The following PLEKHH2 variants were observed in gnomAD, a reference collection of about 807,000 sequenced individuals.
PLEKHH2 encodes pleckstrin homology, MyTH4 and FERM domain containing H2, also known as pleckstrin homology domain-containing family H member 2.
In PLEKHH2, 129 loss-of-function variants were observed where a neutral mutation model predicts 187.9. The ratio of observed to expected loss-of-function variants is 0.69; its 90% CI spans 0.59 to 0.79. PLEKHH2 has a LOEUF of 0.79. Ranked by LOEUF, PLEKHH2 falls within the 30% of genes least tolerant of loss-of-function variation. The pLI, the probability that PLEKHH2 is intolerant of heterozygous loss-of-function variation, is 0.00. For synonymous variants in PLEKHH2, 686 were observed against 605.6 expected (o/e 1.13, Z -1.95); for missense variants, 2,076 against 1,751.2 (o/e 1.19, Z -3.31).
At chr2:43,639,913 C>G (rs760471314) in intron 1 of PLEKHH2, among the ~76,000 whole-genome samples, 84 of 152,086 alleles carry the variant, frequency 5.5e-4, no homozygotes, top group Admixed American at 2.5e-3. Flanking sequence ...TGCTTTTGCC[C>G]TACAAAGTGC....
chr2:43,757,848 AAAT>A (rs143105361), intron 26 of PLEKHH2, among the ~76,000 whole-genome samples: 5,487 of 152,272 alleles, frequency 0.036, 111 homozygotes, highest in African/African-American at 0.047. Context: ...CCCTGATAAT[AAAT>A]AAGAGAAAAA....
At chr2:43,706,457 C>A in intron 10 of PLEKHH2, 41 bp downstream of exon 10, 1 of 1,341,974 alleles carries the variant, frequency 7.5e-7, no homozygotes, top group Non-Finnish European at 1.1e-6. Flanking sequence ...TGCTTCTCTT[C>A]ATGATGGATC....
intron 8 of PLEKHH2, among the ~76,000 whole-genome samples, chr2:43,701,077 T>G (rs17031302): frequency 0.03 from 4,546 of 152,318 alleles, 238 homozygotes; most frequent in African/African-American, 0.1. Context: ...AGATGGGAGA[T>G]CAAGGTATTA....
At chr2:43,701,096 A>G (rs1202008210) in intron 8 of PLEKHH2, among the ~76,000 whole-genome samples, 4 of 152,228 alleles carry the variant, frequency 2.6e-5, no homozygotes, top group African/African-American at 7.2e-5. Context: ...TACCTTATTT[A>G]CTGATAAAAC....
intron 26 of PLEKHH2, 97 bp from the exon 27 acceptor site, chr2:43,758,803 T>G: frequency 9.3e-7 from 1 of 1,076,266 alleles, no homozygotes; most frequent in Non-Finnish European, 1.3e-6. Context: ...CAGTTATGCT[T>G]AGGATTGGCT....
intron 24 of PLEKHH2, among the ~76,000 whole-genome samples, chr2:43,747,259 T>C (rs1463149925): frequency 6.6e-6 from 1 of 151,898 alleles, no homozygotes; most frequent in African/African-American, 2.4e-5. Flanking sequence ...AGGAAGACTA[T>C]TGTTGGGCAT....
intron 24 of PLEKHH2, among the ~76,000 whole-genome samples, chr2:43,746,466 G>T (rs1349546274): frequency 6.6e-6 from 1 of 152,090 alleles, no homozygotes; most frequent in African/African-American, 2.4e-5. Context: ...AGCCGTGATT[G>T]TGCCACTGCA....
intron 16 of PLEKHH2, among the ~76,000 whole-genome samples, chr2:43,725,913 C>A (rs1353408561): frequency 6.6e-6 from 1 of 151,864 alleles, no homozygotes; most frequent in Non-Finnish European, 1.5e-5. Flanking sequence ...GAGTCTGAGA[C>A]TGGCCTGGGC....
At chr2:43,684,334 G>T (rs896718535) in intron 3 of PLEKHH2, among the ~76,000 whole-genome samples, 1 of 151,014 alleles carries the variant, frequency 6.6e-6, no homozygotes, top group Non-Finnish European at 1.5e-5. Context: ...TAATCTATCT[G>T]TTCTTCCCTA....
Position 43,692,515 on chromosome 2 carries a change from T to A in PLEKHH2, c.188T>A (p.Val63Glu). 6.4e-7 allele frequency: 1 copy of A among 1,562,964 alleles called. No homozygotes were observed. Among genetic ancestry groups the A allele is most frequent in the Non-Finnish European group, 8.8e-7 (1 of 1,142,602 alleles). Residue 63 changes from valine (V) to glutamate (E), a missense_variant and splice_region_variant, in exon 4 of 30, where the codon GTA (valine) becomes GAA (glutamate). Physicochemically the swap from Val to Glu is moderately radical, Grantham distance 121. Coordinates refer to ENST00000282406, the MANE Select transcript of PLEKHH2 (RefSeq NM_172069.4). ...TAATATTTTATCCTTTGAATTTAGG[T>A]ACAAGTTATGGAAGATAAATTAAAA... is the stretch of plus-strand genomic sequence containing the variant. ...ERQAEKAFQQ[V>E]QVMEDKLKAA...
At chr2:43,682,594 C>T (rs895265326) in intron 3 of PLEKHH2, among the ~76,000 whole-genome samples, 2 of 152,126 alleles carry the variant, frequency 1.3e-5, no homozygotes, top group African/African-American at 2.4e-5. Context: ...CATGAGCCAC[C>T]GTGCCCAGCC....
intron 20 of PLEKHH2, among the ~76,000 whole-genome samples, chr2:43,739,749 C>T (rs1483237446): frequency 3.9e-5 from 6 of 152,284 alleles, no homozygotes; most frequent in Admixed American, 1.3e-4. Flanking sequence ...TGAATAAATT[C>T]GCCCCATCCT....
intron 2 of PLEKHH2, 104 bp from the exon 3 acceptor site, chr2:43,678,759 G>GAGGTGGAGGTGT: frequency 1.5e-6 from 1 of 678,586 alleles, no homozygotes; most frequent in Non-Finnish European, 2.6e-6. Flanking sequence ...GGTGGAGGTG[G>GAGGTGGAGGTGT]AGGTGGAGGT....
rs57973493 is a variant in PLEKHH2 at position 43,727,410 on chromosome 2, C to CA, written c.2721+970dup. Among the ~76,000 whole-genome samples, 37 of 114,784 alleles carry CA rather than the reference C, an allele frequency of 3.2e-4. 1 individual carries two copies. The highest frequency in any genetic ancestry group is 3.1e-3 in the East Asian group (14 of 4,492). 75.3% of individuals were successfully genotyped at this position (114,784 alleles called of 152,430 possible). On this transcript the variant is annotated intron_variant, in intron 17 of 29. Transcript: ENST00000282406. ...CTGGCGACAGAGCGAGACTCCGTCT[C>CA]AAAAAAAAAAAGAACAAAAACAAAA...
At chr2:43,675,839 A>T (rs1175271554) in intron 2 of PLEKHH2, 2 of 1,614,028 alleles carry the variant, frequency 1.2e-6, no homozygotes, top group Admixed American at 1.7e-5. Flanking sequence ...AAGGGCTGGG[A>T]TGCATCCCTT....
intron 25 of PLEKHH2, among the ~76,000 whole-genome samples, chr2:43,754,469 C>T (rs779475838): frequency 5.1e-4 from 78 of 152,296 alleles, no homozygotes; most frequent in South Asian, 6.2e-4. Context: ...CTGCATAGAA[C>T]GCCTCCATTC....
Position 43,710,050 on chromosome 2 carries a change from C to G in PLEKHH2, c.2027C>G (p.Ser676Cys). ...TATGCTATTCCTCCTGATGCTTACTCCACAGACACGGAGTACTCACAGCCA... is the reference window on the plus strand; with the variant it reads ...TATGCTATTCCTCCTGATGCTTACTGCACAGACACGGAGTACTCACAGCCA... ...SDYAIPPDAY[S>C]TDTEYSQPEQ... is the part of the protein sequence containing the mutation. Residue 676 changes from serine to cysteine, a missense_variant, in exon 12 of 30, where the codon TCC (serine) becomes TGC (cysteine). Transcript: ENST00000282406. The G allele has an allele frequency of 6.2e-7, 1 of 1,613,302 alleles. No individual in the cohort carries two copies.
intron 14 of PLEKHH2, chr2:43,711,332 G>A (rs1033060104): frequency 4.1e-6 from 4 of 985,288 alleles, no homozygotes; most frequent in Non-Finnish European, 4.8e-6. Context: ...ATCAAGGAAA[G>A]CTTTGTCTTT....
At chr2:43,674,875 C>T (rs1667657633) in intron 2 of PLEKHH2, among the ~76,000 whole-genome samples, 1 of 152,040 alleles carries the variant, frequency 6.6e-6, no homozygotes. Flanking sequence ...GTCCCAGCTA[C>T]TCAGTAGGCT....
Sources: allele counts gnomAD v4.1 joint callset (sites outside exome capture counted in the v4.1 genomes callset), GRCh38; gene constraint gnomAD v4.1.1; transcripts MANE v1.5; gene names NCBI Gene and HGNC (gene_info 2026-07-23, HGNC 2026-07-21).